Variants in PPFIA4 observed in about 807,000 individuals in gnomAD.
PPFIA4 encodes PPFI scaffold protein A4, also known as liprin-alpha-4.
A neutral mutation model predicts 145.7 loss-of-function variants in PPFIA4; 98 were observed. The ratio of observed to expected loss-of-function variants is 0.67; its 90% CI spans 0.57 to 0.80. The LOEUF (loss-of-function observed/expected upper bound fraction) is 0.80. PPFIA4 is among the 30% of genes least tolerant of loss of function. PPFIA4 has a pLI of 0.00. For synonymous variants in PPFIA4, 628 were observed against 649.6 expected (o/e 0.97, Z 0.51); for missense variants, 1,457 against 1,632.7 (o/e 0.89, Z 1.85).
At chr1:203,044,998 A>G (rs1659964558) in intron 6 of PPFIA4, among the ~76,000 whole-genome samples, 1 of 152,142 alleles carries the variant, frequency 6.6e-6, no homozygotes, top group South Asian at 2.1e-4. Flanking sequence ...TGGGCACATC[A>G]TACGCTTGTC....
intron 24 of PPFIA4, among the ~76,000 whole-genome samples, chr1:203,062,167 A>G (rs1031146729): frequency 2.0e-5 from 3 of 152,134 alleles, no homozygotes; most frequent in Admixed American, 1.3e-4. Context: ...TAAACAAACC[A>G]TGTCAATAGG....
chr1:203,063,895 C>A lies in PPFIA4; in HGVS notation c.2942C>A (p.Pro981Gln). The A allele has an allele frequency of 6.2e-7, 1 of 1,614,084 alleles. No individual in the cohort carries two copies. Among genetic ancestry groups the A allele is most frequent in the East Asian group, 2.2e-5 (1 of 44,884 alleles). ...GNEWLPSLGL[P>Q]QYRSYFMECL... ...GAATGGCTACCCAGCCTGGGGCTCC[C>A]GCAGTACCGCAGCTACTTCATGGAG... The change falls in exon 25 of 30, where the codon CCG becomes CAG. Residue 981 changes from proline to glutamine, a missense_variant. Pro to Gln is a moderately conservative substitution (Grantham distance 76, BLOSUM62 -1). Around this residue, in one of 3 missense-constraint regions of PPFIA4, gnomAD observed 848 missense variants for 1,046.7 expected, o/e 0.81. Transcript: ENST00000295706.
chr1:203,044,805 G>A lies in PPFIA4; in HGVS notation c.666+20G>A, dbSNP rs1452891035. ...TGGAAGGTAGGTCATGGAGAGCTGT[G>A]TAGCAGGGGTCATGTGTTCCCCAAG... On this transcript the variant is annotated intron_variant, in intron 6 of 29. Coordinates refer to ENST00000295706, the MANE Select transcript of PPFIA4 (RefSeq NM_001304331.2). The A allele has an allele frequency of 1.3e-6, 2 of 1,551,760 alleles. No homozygotes were observed. The highest frequency in any genetic ancestry group is 1.2e-5 in the South Asian group (1 of 84,188).
Position 203,048,342 on chromosome 1 carries a change from C to T in PPFIA4, c.1224+32C>T, listed in dbSNP as rs1660234994. On this transcript the variant is annotated intron_variant, in intron 10 of 29. Coordinates refer to ENST00000295706, the MANE Select transcript of PPFIA4 (RefSeq NM_001304331.2). The surrounding 1 kb of genome is among the most constrained non-coding windows in gnomAD (Gnocchi z 5.8). Reference sequence around the variant, plus strand: ...GCACCAGGCCGGGCCCTCAGGCCCCCTCCTTCCCGCAGGACAGGCTCCCAG... The same window carrying T: ...GCACCAGGCCGGGCCCTCAGGCCCCTTCCTTCCCGCAGGACAGGCTCCCAG... 1.2e-6 allele frequency: 2 copies of T among 1,601,996 alleles called. No homozygotes were observed. The highest frequency in any genetic ancestry group is 1.7e-6 in the Non-Finnish European group (2 of 1,173,984).
intron 15 of PPFIA4, 42 bp downstream of exon 15, chr1:203,054,003 C>A: frequency 6.5e-7 from 1 of 1,540,988 alleles, no homozygotes; most frequent in Non-Finnish European, 8.8e-7. Context: ...CATTGAAGGG[C>A]AGGGGGGCCC....
Position 203,061,429 on chromosome 1 carries a change from G to A in PPFIA4, c.2848-223G>A, listed in dbSNP as rs576794057. 7 of 531,756 alleles carry A rather than the reference G, an allele frequency of 1.3e-5. No homozygotes were observed. In the African/African-American group the frequency reaches 1.4e-4, roughly 10 times the overall value. The allele number at this position is 531,756 out of a possible 1,614,324, so 32.9% of individuals were successfully genotyped here. On this transcript the variant is annotated intron_variant, in intron 23 of 29. Coordinates refer to ENST00000295706, the MANE Select transcript of PPFIA4 (RefSeq NM_001304331.2). ...TTGCCTGGCTCCCAGTCAAGCCTGG[G>A]AGGTGTGTGTTTTTGCCACACACAC...
chr1:203,035,270 G>C (rs1659154252), intron 1 of PPFIA4: 1 of 456,692 alleles, frequency 2.2e-6, no homozygotes, highest in Non-Finnish European at 4.4e-6. Context: ...TCTCCGCAGG[G>C]GCTGGCAACC....
chr1:203,045,564 G>A lies in PPFIA4; in HGVS notation c.858+5G>A, dbSNP rs757279281. ...CATCAGCGGGACCTCCGGGAGGTGC[G>A]TGAGGGCGCAGGCCTGCTCTGTGAC... is the stretch of plus-strand genomic sequence containing the variant. On this transcript the variant is annotated splice_donor_5th_base_variant and intron_variant, in intron 7 of 29. Coordinates refer to ENST00000295706, the MANE Select transcript of PPFIA4 (RefSeq NM_001304331.2). The A allele has an allele frequency of 1.2e-5, 19 of 1,576,270 alleles. No homozygotes were observed. Among genetic ancestry groups the A allele is most frequent in the Non-Finnish European group, 1.2e-5 (14 of 1,162,026 alleles).
chr1:203,044,080 G>A lies in PPFIA4; in HGVS notation c.486G>A (p.Lys162=), dbSNP rs1659892046. 6.3e-7 allele frequency: 1 copy of A among 1,593,466 alleles called. No individual in the cohort carries two copies. Among genetic ancestry groups the A allele is most frequent in the Non-Finnish European group, 8.6e-7 (1 of 1,169,448 alleles). Residue 162 remains lysine (K), a synonymous_variant, in exon 4 of 30, where the codon AAG becomes AAA. Transcript: ENST00000295706. ...KALKSLFEHH[K]ALDEKVRERL... is the part of the protein sequence containing the mutation. ...TCAAGTCACTGTTTGAGCACCACAAGGCCCTGGATGAGAAGGTGCCCACCT... is the reference window on the plus strand; with the variant it reads ...TCAAGTCACTGTTTGAGCACCACAAAGCCCTGGATGAGAAGGTGCCCACCT...
intron 24 of PPFIA4, among the ~76,000 whole-genome samples, chr1:203,062,403 C>T (rs539342939): frequency 5.8e-5 from 8 of 138,282 alleles, no homozygotes; most frequent in Non-Finnish European, 9.1e-5. Context: ...TGGCGTGAAC[C>T]TGGGAGGCGG....
At chr1:203,062,259 C>T (rs1185155422) in intron 24 of PPFIA4, among the ~76,000 whole-genome samples, 7 of 151,156 alleles carry the variant, frequency 4.6e-5, no homozygotes, top group South Asian at 4.2e-4. Flanking sequence ...GGGCGGATCA[C>T]GAGGTCAGGA....
rs370396323 is a variant in PPFIA4, at chr1:203,055,552, C to T, written c.1950C>T (p.Pro650=). 1.5e-5 allele frequency: 25 copies of T among 1,613,926 alleles called. No individual in the cohort carries two copies. Among genetic ancestry groups the T allele is most frequent in the Middle Eastern group, 3.3e-4 (2 of 6,084 alleles). ...AGCTGCGCAAGCGTGGTTCCATCCCCACCTCTCTGACGGCCCTGTCCCTGG... is the reference window on the plus strand; with the variant it reads ...AGCTGCGCAAGCGTGGTTCCATCCCTACCTCTCTGACGGCCCTGTCCCTGG... ...LKQLRKRGSI[P]TSLTALSLAS... The change falls in exon 16 of 30, where the codon CCC becomes CCT. Residue 650 remains proline, a synonymous_variant. Coordinates refer to ENST00000295706, the MANE Select transcript of PPFIA4 (RefSeq NM_001304331.2). This position sits in a 1 kb window ranked among gnomAD's most constrained non-coding sequence, Gnocchi z 4.8.
At chr1:203,069,009 G>A (rs780799127) in intron 27 of PPFIA4, among the ~76,000 whole-genome samples, 3 of 152,004 alleles carry the variant, frequency 2.0e-5, no homozygotes, top group Non-Finnish European at 4.4e-5. Context: ...GAGCCCCAGG[G>A]CCCCTAGGGA....
chr1:203,052,604 C>T (rs1660615046), intron 14 of PPFIA4, among the ~76,000 whole-genome samples: 2 of 152,064 alleles, frequency 1.3e-5, no homozygotes, highest in Admixed American at 6.5e-5. Context: ...TTTTCTTTCT[C>T]CCCCGACTTC....
chr1:203,043,875 C>A lies in PPFIA4; in HGVS notation c.337-56C>A. The A allele has an allele frequency of 6.6e-7, 1 of 1,514,804 alleles. No homozygotes were observed. The highest frequency in any genetic ancestry group is 8.9e-7 in the Non-Finnish European group (1 of 1,123,250). The allele number at this position is 1,514,804 out of a possible 1,614,324, so 93.8% of individuals were successfully genotyped here. A position where few individuals can be genotyped will look rare whatever the true frequency, so the allele number is the denominator to read the frequency against. Reference sequence around the variant, plus strand: ...GGATCACATGGACCCTGCTTGTAGCCCCTGGGGCACATGCTTACAGCCCTC... The same window carrying A: ...GGATCACATGGACCCTGCTTGTAGCACCTGGGGCACATGCTTACAGCCCTC... On this transcript the variant is annotated intron_variant, in intron 3 of 29. Transcript: ENST00000295706. This position sits in a 1 kb window ranked among gnomAD's most constrained non-coding sequence, Gnocchi z 4.4.
At chr1:203,072,669 C>G (rs1050531208) in intron 28 of PPFIA4, among the ~76,000 whole-genome samples, 4 of 152,174 alleles carry the variant, frequency 2.6e-5, no homozygotes, top group African/African-American at 9.7e-5. Context: ...GCTCTGTCTT[C>G]AGTCCAATCA....
intron 27 of PPFIA4, among the ~76,000 whole-genome samples, chr1:203,070,111 T>C (rs1662042837): frequency 6.6e-6 from 1 of 152,178 alleles, no homozygotes; most frequent in South Asian, 2.1e-4. Flanking sequence ...ACTTTTCTCT[T>C]TCTTTGATTT....
At chr1:203,052,787 T>C (rs1262043525) in intron 14 of PPFIA4, among the ~76,000 whole-genome samples, 1 of 152,202 alleles carries the variant, frequency 6.6e-6, no homozygotes, top group Non-Finnish European at 1.5e-5. Context: ...TCCCCTCTTC[T>C]GGGCCTTTGT....
In PPFIA4 at chr1:203,055,379, C is replaced by G; in HGVS notation, c.1830-53C>G. ...TGCAGGCATCGACCCGCACTGCCTC[C>G]TGCTGGTCCTGGCTGGGGCTAGTGG... On this transcript the variant is annotated intron_variant, in intron 15 of 29. Coordinates refer to ENST00000295706, the MANE Select transcript of PPFIA4 (RefSeq NM_001304331.2). This position sits in a 1 kb window ranked among gnomAD's most constrained non-coding sequence, Gnocchi z 4.8. 6.2e-7 allele frequency: 1 copy of G among 1,608,150 alleles called. No homozygotes were observed. Among genetic ancestry groups the G allele is most frequent in the Non-Finnish European group, 8.5e-7 (1 of 1,175,268 alleles).
Sources: gnomAD v4.1 joint callset for allele counts (sites outside exome capture counted in the v4.1 genomes callset) on GRCh38, gnomAD v4.1.1 for gene constraint, gnomAD v4.1.1 regional missense constraint, Gnocchi (gnomAD v3.1) non-coding constraint, MANE v1.5 for transcripts, NCBI Gene and HGNC (gene_info 2026-07-23, HGNC 2026-07-21) for gene names.